TANK: variants seen among roughly 807,000 people sequenced by gnomAD.
TANK encodes TRAF family member associated NFKB activator.
TANK carries 15 observed loss-of-function variants against 43.6 expected under a neutral mutation model. The ratio of observed to expected loss-of-function variants is 0.34; its 90% CI spans 0.23 to 0.53. TANK has a LOEUF of 0.53. Among genes scored for constraint, TANK ranks in the 20% least tolerant of loss-of-function variants. The pLI, the probability that TANK is intolerant of heterozygous loss-of-function variation, is 0.94. For missense variants in TANK, 417 were observed against 498.6 expected (o/e 0.84, Z 1.56); for synonymous variants, 162 against 178.2 (o/e 0.91, Z 0.73).
chr2:161,145,773 C>A (rs960312365), intron 1 of TANK, among the ~76,000 whole-genome samples: 18 of 151,900 alleles, frequency 1.2e-4, no homozygotes, highest in African/African-American at 4.4e-4. Flanking sequence ...TTCATTTCAA[C>A]CTTGGAGAAT....
rs150717241 is a variant in TANK at position 161,139,710 on chromosome 2, C to T, written c.-50+2647C>T. The T allele has an allele frequency of 6.2e-4, 607 of 985,342 alleles. 3 individuals carry two copies. In the African/African-American group the frequency reaches 0.01, roughly 17 times the overall value. 61.0% of individuals were successfully genotyped at this position (985,342 alleles called of 1,614,324 possible). A position where few individuals can be genotyped will look rare whatever the true frequency, so the allele number is the denominator to read the frequency against. ...AGACACCTCTTCTCTATTATTTTGG[C>T]TTCATAATTCTGTTCCCAACTCAAA... On this transcript the variant is annotated intron_variant, in intron 1 of 7. Transcript: ENST00000259075.
At chr2:161,222,137 A>G (rs1687378389) in intron 4 of TANK, among the ~76,000 whole-genome samples, 1 of 152,114 alleles carries the variant, frequency 6.6e-6, no homozygotes, top group African/African-American at 2.4e-5. Flanking sequence ...TCTCAGAAGC[A>G]GTCATTCCTA....
At chr2:161,235,264 T>C in intron 7 of TANK, 78 bp from the exon 8 acceptor site, 11 of 1,306,732 alleles carry the variant, frequency 8.4e-6, no homozygotes, top group Non-Finnish European at 1.2e-5. Flanking sequence ...GCGTAACTCA[T>C]TCAGAAATTC....
chr2:161,197,901 C>T (rs926939262), intron 2 of TANK, among the ~76,000 whole-genome samples: 2 of 152,082 alleles, frequency 1.3e-5, no homozygotes, highest in African/African-American at 2.4e-5. Context: ...CCCCTGGCTC[C>T]CCCAGATTTA....
upstream of TANK, among the ~76,000 whole-genome samples, chr2:161,156,817 C>T (rs932947117): frequency 6.6e-6 from 1 of 152,164 alleles, no homozygotes; most frequent in Non-Finnish European, 1.5e-5. Context: ...AGTTATTTTA[C>T]TATAAAGAGA....
Position 161,161,091 on chromosome 2 carries a change from A to T in TANK, c.-50+605A>T. The T allele has an allele frequency of 3.2e-6, 3 of 947,580 alleles. No homozygotes were observed. The South Asian group carries it at 5.6e-5, about 18-fold the overall frequency. 58.7% of individuals were successfully genotyped at this position (947,580 alleles called of 1,614,324 possible). ...AGAAGCCAACCCCGCCCACAGTGGG[A>T]ACCCAGGCGTTAGGTAGAGTCCTCA... On this transcript the variant is annotated intron_variant, in intron 1 of 7. Transcript: ENST00000392749.
chr2:161,203,046 T>C (rs1254624276), intron 2 of TANK: 3 of 237,082 alleles, frequency 1.3e-5, no homozygotes, highest in African/African-American at 7.1e-5. Context: ...AGTGTTTGTG[T>C]ACTCTAAAAA....
At chr2:161,228,290 G>C (rs1192765010) in intron 6 of TANK, among the ~76,000 whole-genome samples, 1 of 152,182 alleles carries the variant, frequency 6.6e-6, no homozygotes, top group East Asian at 1.9e-4. Flanking sequence ...CCAGCACTTT[G>C]GGAGGCTGAG....
At chr2:161,214,317 C>T (rs1270961406) in intron 4 of TANK, among the ~76,000 whole-genome samples, 1 of 152,152 alleles carries the variant, frequency 6.6e-6, no homozygotes, top group Non-Finnish European at 1.5e-5. Context: ...AGTTTACTTG[C>T]AACTCAAATA....
chr2:161,217,800 C>T (rs1276794640), intron 4 of TANK, among the ~76,000 whole-genome samples: 1 of 151,778 alleles, frequency 6.6e-6, no homozygotes, highest in Non-Finnish European at 1.5e-5. Context: ...AAAATATGAC[C>T]CAGTTATAAG....
chr2:161,175,723 T>C (rs985168220), intron 1 of TANK, among the ~76,000 whole-genome samples: 6 of 152,262 alleles, frequency 3.9e-5, no homozygotes, highest in African/African-American at 1.4e-4. Context: ...TGTTTCTTCA[T>C]GGACAGGCAC....
intron 7 of TANK, chr2:161,232,675 C>A: frequency 6.8e-7 from 1 of 1,473,610 alleles, no homozygotes; most frequent in South Asian, 1.4e-5. Context: ...TGAAGTGCAT[C>A]AGTTCTAATG....
intron 2 of TANK, among the ~76,000 whole-genome samples, chr2:161,199,485 T>C (rs1314530722): frequency 6.6e-6 from 1 of 152,164 alleles, no homozygotes; most frequent in Non-Finnish European, 1.5e-5. Flanking sequence ...CAATTCAATT[T>C]ATGGAACTCT....
Position 161,179,752 on chromosome 2 carries a change from A to C in TANK, c.90A>C (p.Leu30Phe). 6.2e-7 allele frequency: 1 copy of C among 1,612,336 alleles called. No homozygotes were observed. The highest frequency in any genetic ancestry group is 8.5e-7 in the Non-Finnish European group (1 of 1,178,976). Residue 30 changes from leucine (L) to phenylalanine (F), a missense_variant, in exon 2 of 8, where the codon TTA (leucine) becomes TTC (phenylalanine). Leu to Phe is a conservative substitution (Grantham distance 22, BLOSUM62 0). Coordinates refer to ENST00000392749, the MANE Select transcript of TANK (RefSeq NM_001199135.3). ...ATAGAGATTCTGCAGTAAAAGAATTACAGCAAAAGGTGTGTGGTTCTGGTT... is the reference window on the plus strand; with the variant it reads ...ATAGAGATTCTGCAGTAAAAGAATTCCAGCAAAAGGTGTGTGGTTCTGGTT... ...CMDRDSAVKE[L>F]QQKTENYEQR...
intron 3 of TANK, 103 bp from the exon 4 acceptor site, chr2:161,204,572 T>G: frequency 9.6e-7 from 1 of 1,037,960 alleles, no homozygotes; most frequent in Non-Finnish European, 1.4e-6. Flanking sequence ...TACCTTAAAA[T>G]GTATTCTCTT....
intron 4 of TANK, chr2:161,219,640 C>T (rs950198560): frequency 2.7e-6 from 1 of 372,496 alleles, no homozygotes; most frequent in Non-Finnish European, 5.3e-6. Context: ...TATCAAATAT[C>T]TTTTTGTAAT....
intron 6 of TANK, among the ~76,000 whole-genome samples, 174 bp from the exon 7 acceptor site, chr2:161,230,797 C>A (rs935419132): frequency 6.6e-6 from 1 of 152,210 alleles, no homozygotes; most frequent in Non-Finnish European, 1.5e-5. Context: ...AGTTCACCCG[C>A]TGGAGACTGC....
intron 4 of TANK, among the ~76,000 whole-genome samples, chr2:161,209,712 A>G (rs747036344): frequency 6.6e-6 from 1 of 152,226 alleles, no homozygotes; most frequent in Non-Finnish European, 1.5e-5. Flanking sequence ...AAGCAATAAT[A>G]TAGAAGACAA....
intron 1 of TANK, among the ~76,000 whole-genome samples, chr2:161,141,397 T>G (rs1683742688): frequency 6.6e-6 from 1 of 152,158 alleles, no homozygotes. Flanking sequence ...TACATATACG[T>G]GTGCCATGGT....
Sources: allele counts gnomAD v4.1 joint callset (sites outside exome capture counted in the v4.1 genomes callset), GRCh38; gene constraint gnomAD v4.1.1; transcripts MANE v1.5; gene names NCBI Gene and HGNC (gene_info 2026-07-23, HGNC 2026-07-21).